The following MAL variants were observed in gnomAD, a reference collection of about 807,000 sequenced individuals.
MAL encodes the protein mal, T cell differentiation protein (MAL blood group).
In MAL, 5 loss-of-function variants were observed where a neutral mutation model predicts 16.7. That is an observed-to-expected ratio of 0.30 (90% CI 0.16 to 0.63). MAL has a LOEUF of 0.63. MAL is among the 30% of genes least tolerant of loss of function. The pLI, the probability that MAL is intolerant of heterozygous loss-of-function variation, is 0.82. For synonymous variants in MAL, 96 were observed against 85.5 expected (o/e 1.12, Z -0.67); for missense variants, 202 against 195.8 (o/e 1.03, Z -0.19).
At chr2:95,048,650 A>G (rs1216667616) in intron 2 of MAL, among the ~76,000 whole-genome samples, 1 of 152,202 alleles carries the variant, frequency 6.6e-6, no homozygotes, top group Non-Finnish European at 1.5e-5. Context: ...TTTGAGACCC[A>G]TGAAAAGGTA....
At chr2:95,049,489 G>A (rs1674665275) in intron 2 of MAL, 92 bp from the exon 3 acceptor site, 10 of 1,509,376 alleles carry the variant, frequency 6.6e-6, no homozygotes, top group Non-Finnish European at 9.0e-6. Context: ...AGTGGGGGGA[G>A]AGGCAAGGGG....
At chr2:95,045,375 C>A (rs187813106) in intron 1 of MAL, among the ~76,000 whole-genome samples, 2 of 152,298 alleles carry the variant, frequency 1.3e-5, no homozygotes, top group African/African-American at 4.8e-5. Context: ...TCTAGTTCAG[C>A]CACACCCAGG....
chr2:95,030,763 T>G (rs868343281), intron 1 of MAL, among the ~76,000 whole-genome samples: 1 of 152,020 alleles, frequency 6.6e-6, no homozygotes, highest in Admixed American at 6.5e-5. Context: ...CGAACAGAAG[T>G]GCAGTCACAT....
rs1370088765 is a variant in MAL at position 95,053,858 on chromosome 2, T to C, written c.*403T>C. 2.0e-5 allele frequency: 4 copies of C among 195,196 alleles called. No homozygotes were observed. The highest frequency in any genetic ancestry group is 4.3e-5 in the Non-Finnish European group (4 of 93,852). 12.1% of individuals were successfully genotyped at this position (195,196 alleles called of 1,614,324 possible). On this transcript the variant is annotated 3_prime_UTR_variant, in exon 4 of 4. Coordinates refer to ENST00000309988, the MANE Select transcript of MAL (RefSeq NM_002371.4). ...CACAAGCTCTCCCGAGCGCCCCATC[T>C]TGTGCCATGTTTTAAGTCTTCATGG...
At position 95,050,820 on chromosome 2, in the gene MAL, T is replaced by C. The variant is rs534103938; in HGVS notation, c.387+1114T>C. Among the ~76,000 whole-genome samples the C allele has an allele frequency of 9.2e-5, 14 of 152,286 alleles. No homozygotes were observed. In the East Asian group the frequency reaches 2.5e-3, roughly 27 times the overall value. ...GAAACATCTCCCGTGTTGGCCCATC[T>C]CCCAACATGGCTGGTTTCCAAGCAG... On this transcript the variant is annotated intron_variant, in intron 3 of 3. Coordinates refer to ENST00000309988, the MANE Select transcript of MAL (RefSeq NM_002371.4).
chr2:95,043,393 AGC>A (rs1223449271), intron 1 of MAL, among the ~76,000 whole-genome samples: 1 of 152,238 alleles, frequency 6.6e-6, no homozygotes, highest in Non-Finnish European at 1.5e-5. Flanking sequence ...CTGTAGTTTT[AGC>A]CAGTTCACAC....
chr2:95,046,957 G>T (rs1229486384), intron 1 of MAL, among the ~76,000 whole-genome samples: 2 of 140,800 alleles, frequency 1.4e-5, no homozygotes, highest in Non-Finnish European at 1.5e-5. Flanking sequence ...AGAGAAAAAA[G>T]AAAGAAAGAA....
chr2:95,042,768 T>C (rs1674499259), intron 1 of MAL, among the ~76,000 whole-genome samples: 1 of 152,174 alleles, frequency 6.6e-6, no homozygotes, highest in Non-Finnish European at 1.5e-5. Flanking sequence ...GGAGTCTCCT[T>C]GATGAAAGGA....
At chr2:95,039,152 GTGAC>G (rs1476178597) in intron 1 of MAL, among the ~76,000 whole-genome samples, 1 of 151,080 alleles carries the variant, frequency 6.6e-6, no homozygotes. Context: ...GAGTGACTGA[GTGAC>G]TGAATGGGTG....
At chr2:95,042,529 A>T (rs1414877718) in intron 1 of MAL, among the ~76,000 whole-genome samples, 2 of 152,052 alleles carry the variant, frequency 1.3e-5, no homozygotes, top group African/African-American at 4.8e-5. Context: ...GACTCAGAGC[A>T]CTCAACCCTT....
At chr2:95,028,712 C>A (rs1235948819) in intron 1 of MAL, among the ~76,000 whole-genome samples, 1 of 152,176 alleles carries the variant, frequency 6.6e-6, no homozygotes, top group Admixed American at 6.5e-5. Flanking sequence ...ATGGATACTA[C>A]CTGACCATAG....
chr2:95,046,825 GAGAA>G (rs1674595452), intron 1 of MAL, among the ~76,000 whole-genome samples: 1 of 148,886 alleles, frequency 6.7e-6, no homozygotes, highest in Non-Finnish European at 1.5e-5. Context: ...TAATGAGCAA[GAGAA>G]AGAAAGAGAG....
chr2:95,040,148 T>C (rs1213338811), intron 1 of MAL, among the ~76,000 whole-genome samples: 1 of 151,526 alleles, frequency 6.6e-6, no homozygotes, highest in African/African-American at 2.4e-5. Flanking sequence ...CACACGTGCA[T>C]TCACATGCAC....
chr2:95,034,053 G>A (rs559475117), intron 1 of MAL, among the ~76,000 whole-genome samples: 27 of 152,338 alleles, frequency 1.8e-4, no homozygotes, highest in African/African-American at 5.5e-4. Context: ...CCAACTGGCC[G>A]ACCTGTGCCG....
intron 1 of MAL, among the ~76,000 whole-genome samples, chr2:95,027,246 C>T (rs78713623): frequency 6.6e-6 from 1 of 152,116 alleles, no homozygotes; most frequent in Non-Finnish European, 1.5e-5. Context: ...ATCTGATCTG[C>T]GGGAAAGGTG....
chr2:95,049,701 G>A lies in MAL; in HGVS notation c.382G>A (p.Ala128Thr). The A allele has an allele frequency of 6.2e-7, 1 of 1,614,138 alleles. No homozygotes were observed. Among genetic ancestry groups the A allele is most frequent in the Non-Finnish European group, 8.5e-7 (1 of 1,180,010 alleles). ...CAGGCACTACCATGAAAACATTGCT[G>A]CCGTGGTGAGTCCGGGCACCTGGGG... ...TYRHYHENIA[A>T]VVFSYIATLL... Residue 128 changes from alanine (A) to threonine (T), a missense_variant, in exon 3 of 4, where the codon GCC (alanine) becomes ACC (threonine). Transcript: ENST00000309988.
At chr2:95,048,733 C>A (rs548464349) in intron 2 of MAL, among the ~76,000 whole-genome samples, 2 of 152,250 alleles carry the variant, frequency 1.3e-5, no homozygotes, top group Non-Finnish European at 2.9e-5. Flanking sequence ...GGCTGTCACT[C>A]TCAAAAGCTC....
intron 3 of MAL, chr2:95,052,993 G>A (rs1674751414): frequency 5.4e-6 from 1 of 184,810 alleles, no homozygotes; most frequent in Admixed American, 6.0e-5. Context: ...ACAGCTGGAG[G>A]GCGCTGGTCT....
intron 1 of MAL, among the ~76,000 whole-genome samples, chr2:95,047,593 C>T (rs571262389): frequency 6.6e-6 from 1 of 152,204 alleles, no homozygotes; most frequent in African/African-American, 2.4e-5. Flanking sequence ...TGGTGGCATG[C>T]ACCTGTAATC....
Sources: gnomAD v4.1 joint callset for allele counts (sites outside exome capture counted in the v4.1 genomes callset) on GRCh38, gnomAD v4.1.1 for gene constraint, MANE v1.5 for transcripts, NCBI Gene and HGNC (gene_info 2026-07-23, HGNC 2026-07-21) for gene names.